SOX5: variants seen among roughly 807,000 people sequenced by gnomAD.
The protein encoded by SOX5 is SRY-box transcription factor 5, also known as transcription factor SOX-5.
A neutral mutation model predicts 92.0 loss-of-function variants in SOX5; 9 were observed. That is an observed-to-expected ratio of 0.10 (90% CI 0.06 to 0.17). The LOEUF is 0.17. Among genes scored for constraint, SOX5 ranks in the 10% least tolerant of loss-of-function variants. The pLI is 1.00. For synonymous variants in SOX5, 344 were observed against 336.3 expected, an observed-to-expected ratio of 1.02 and a Z score of -0.25; for missense variants, 642 against 944.5, an observed-to-expected ratio of 0.68 and a Z score of 4.20.
At chr12:23,765,046 T>A (rs949148127) in intron 3 of SOX5, among the ~76,000 whole-genome samples, 2 of 152,060 alleles carry the variant, frequency 1.3e-5, no homozygotes, top group African/African-American at 4.8e-5. Context: ...TAATTCAAGT[T>A]ATATTTTTAT....
intron 3 of SOX5, among the ~76,000 whole-genome samples, chr12:24,250,803 T>C (rs1206059576): frequency 5.3e-5 from 8 of 152,092 alleles, no homozygotes; most frequent in Admixed American, 5.2e-4. Flanking sequence ...TCTAATAAGT[T>C]AAAATTAAAC....
intron 1 of SOX5, among the ~76,000 whole-genome samples, chr12:24,455,271 CT>C (rs2137395360): frequency 6.6e-6 from 1 of 152,248 alleles, no homozygotes; most frequent in South Asian, 2.1e-4. Context: ...AAGAGTTCCT[CT>C]ATTTGAAACT....
intron 4 of SOX5, among the ~76,000 whole-genome samples, chr12:24,049,644 T>G (rs1285579286): frequency 8.1e-3 from 78 of 9,602 alleles, no homozygotes; most frequent in Non-Finnish European, 0.054. Flanking sequence ...CATAGTTTTT[T>G]TTTTTTTTTT....
chr12:23,562,147 C>T (rs762253064), intron 11 of SOX5, among the ~76,000 whole-genome samples: 1 of 152,148 alleles, frequency 6.6e-6, no homozygotes, highest in Non-Finnish European at 1.5e-5. Flanking sequence ...TCTCAGGACA[C>T]CAATGTCATA....
At chr12:24,530,158 A>G (rs1396697342) in intron 1 of SOX5, among the ~76,000 whole-genome samples, 1 of 152,238 alleles carries the variant, frequency 6.6e-6, no homozygotes, top group Non-Finnish European at 1.5e-5. Context: ...CATTTCATCA[A>G]CACAAGGTAT....
chr12:23,968,861 T>C (rs909603521), intron 4 of SOX5, among the ~76,000 whole-genome samples: 1 of 152,202 alleles, frequency 6.6e-6, no homozygotes, highest in Non-Finnish European at 1.5e-5. Flanking sequence ...TTCGAGATGC[T>C]TGGTCTGAGA....
chr12:23,924,735 G>T (rs529838492), intron 1 of SOX5, among the ~76,000 whole-genome samples: 1 of 151,968 alleles, frequency 6.6e-6, no homozygotes, highest in Non-Finnish European at 1.5e-5. Flanking sequence ...GTTGCTTCGC[G>T]TTGGTTTTTC....
chr12:24,040,829 C>A (rs934411167), intron 4 of SOX5, among the ~76,000 whole-genome samples: 2 of 151,994 alleles, frequency 1.3e-5, no homozygotes, highest in Non-Finnish European at 1.5e-5. Flanking sequence ...GCCGAGATTG[C>A]ACCACTGCAC....
At chr12:24,103,561 G>A (rs981759640) in intron 4 of SOX5, among the ~76,000 whole-genome samples, 4 of 152,090 alleles carry the variant, frequency 2.6e-5, no homozygotes, top group Admixed American at 2.6e-4. Flanking sequence ...TTGCTATGTT[G>A]CCCAGGCTTG....
chr12:23,813,450 A>G (rs1266486308), intron 3 of SOX5, among the ~76,000 whole-genome samples: 1 of 152,156 alleles, frequency 6.6e-6, no homozygotes, highest in Admixed American at 6.6e-5. Context: ...GCATCGGCTC[A>G]TTCACCTGCA....
chr12:24,082,404 GAAAAAAAAAAAAAA>G (rs58736325), intron 4 of SOX5, among the ~76,000 whole-genome samples: 140 of 73,472 alleles, frequency 1.9e-3, no homozygotes, highest in Admixed American at 4.2e-3. Context: ...CTTTCGAAAA[GAAAAAAAAAAAAAA>G]AAAAAAAAAA....
intron 4 of SOX5, among the ~76,000 whole-genome samples, chr12:24,096,056 T>C (rs1042488178): frequency 3.3e-5 from 5 of 152,222 alleles, no homozygotes; most frequent in Non-Finnish European, 7.3e-5. Context: ...GGAAGATTAA[T>C]TGTGCTCATT....
At chr12:24,289,740 C>G (rs959894026) in intron 2 of SOX5, among the ~76,000 whole-genome samples, 1 of 120,544 alleles carries the variant, frequency 8.3e-6, no homozygotes, top group Non-Finnish European at 1.6e-5. Context: ...CAGGCGTGAG[C>G]CACCGCGCCC....
chr12:24,228,438 T>A (rs1962576110), intron 3 of SOX5, among the ~76,000 whole-genome samples: 1 of 152,224 alleles, frequency 6.6e-6, no homozygotes, highest in African/African-American at 2.4e-5. Flanking sequence ...GGCCTTATTT[T>A]TGTGACAACA....
At chr12:24,317,290 T>C (rs1949784871) in intron 2 of SOX5, among the ~76,000 whole-genome samples, 1 of 152,234 alleles carries the variant, frequency 6.6e-6, no homozygotes, top group Non-Finnish European at 1.5e-5. Flanking sequence ...TTACTTACTT[T>C]GAAGACTTGC....
At chr12:24,163,386 T>C (rs1439262809) in intron 4 of SOX5, among the ~76,000 whole-genome samples, 1 of 152,138 alleles carries the variant, frequency 6.6e-6, no homozygotes, top group East Asian at 1.9e-4. Flanking sequence ...AGCCATATGA[T>C]AATGATCTTG....
upstream of SOX5, among the ~76,000 whole-genome samples, chr12:23,951,236 C>T (rs1197524285): frequency 6.6e-6 from 1 of 152,136 alleles, no homozygotes; most frequent in East Asian, 1.9e-4. Flanking sequence ...GCTCAATAGT[C>T]TGTACAGCCA....
At chr12:24,501,484 G>C (rs1164653380) in intron 1 of SOX5, among the ~76,000 whole-genome samples, 1 of 151,508 alleles carries the variant, frequency 6.6e-6, no homozygotes, top group African/African-American at 2.4e-5. Flanking sequence ...TTTTGCTTTT[G>C]CTTTTGTTTA....
intron 8 of SOX5, among the ~76,000 whole-genome samples, chr12:23,616,461 C>T (rs1374984955): frequency 6.6e-6 from 1 of 152,118 alleles, no homozygotes; most frequent in African/African-American, 2.4e-5. Flanking sequence ...AGTCTGGAGT[C>T]CCCGTTGGGG....
Sources: gnomAD v4.1 joint callset for allele counts (sites outside exome capture counted in the v4.1 genomes callset) on GRCh38, gnomAD v4.1.1 for gene constraint, MANE v1.5 for transcripts, NCBI Gene and HGNC (gene_info 2026-07-23, HGNC 2026-07-21) for gene names.